Variants in BMP7 observed in about 807,000 individuals in gnomAD.
BMP7 encodes the protein osteogenic protein 1.
Under a neutral mutation model 41.2 loss-of-function variants are expected in BMP7, and 12 were observed. That is an observed-to-expected ratio of 0.29 (90% CI 0.19 to 0.47). BMP7 has a LOEUF of 0.47. BMP7 is among the 20% of genes least tolerant of loss of function. BMP7 has a pLI of 0.99. For synonymous variants in BMP7, 248 were observed against 250.0 expected (o/e 0.99, Z 0.07); for missense variants, 467 against 606.0 (o/e 0.77, Z 2.41).
At chr20:57,191,919 A>T (rs1400362286) in intron 3 of BMP7, among the ~76,000 whole-genome samples, 2 of 131,950 alleles carry the variant, frequency 1.5e-5, no homozygotes, top group African/African-American at 5.8e-5. Flanking sequence ...ACTATATATT[A>T]TATATTTTCT....
intron 3 of BMP7, among the ~76,000 whole-genome samples, chr20:57,195,273 C>T (rs1383663858): frequency 1.3e-5 from 2 of 152,158 alleles, no homozygotes; most frequent in African/African-American, 4.8e-5. Flanking sequence ...TTTTTGTTTT[C>T]CAGGCCCAGG....
chr20:57,179,282 A>G (rs755828889), intron 4 of BMP7, among the ~76,000 whole-genome samples: 11 of 152,298 alleles, frequency 7.2e-5, no homozygotes, highest in Admixed American at 1.3e-4. Flanking sequence ...CCCGCCCCCA[A>G]GCAACAGAAA....
rs369955068 is a variant in BMP7, at chr20:57,219,336, G to A, written c.611+8893C>T. Among the ~76,000 whole-genome samples the A allele has an allele frequency of 3.3e-5, 5 of 152,112 alleles. 1 individual carries two copies. The highest frequency in any genetic ancestry group is 1.9e-4 in the East Asian group (1 of 5,182). On this transcript the variant is annotated intron_variant, in intron 2 of 6. Transcript: ENST00000395863. ...AAGGTGGGAAGAAGACAGGGTGGGC[G>A]AGGGACTTCCCACTTAAGTATGTTC...
At chr20:57,173,349 G>C in intron 5 of BMP7, 39 bp from the exon 6 acceptor site, 2 of 1,588,430 alleles carry the variant, frequency 1.3e-6, no homozygotes, top group Non-Finnish European at 1.7e-6. Context: ...CATGCAGAAG[G>C]CCTGAGCCAC....
intron 2 of BMP7, among the ~76,000 whole-genome samples, chr20:57,223,102 T>C (rs1055229718): frequency 3.3e-5 from 5 of 151,942 alleles, no homozygotes; most frequent in African/African-American, 9.7e-5. Flanking sequence ...TGGTGGTACA[T>C]ACTTGTAATC....
In BMP7 at chr20:57,266,598, T is replaced by TGCG. The variant is rs1327949897; in HGVS notation, c.-479_-477dup. The TGCG allele has an allele frequency of 6.6e-6, 1 of 152,468 alleles. No homozygotes were observed. Among genetic ancestry groups the TGCG allele is most frequent in the African/African-American group, 2.4e-5 (1 of 41,450 alleles). The allele number at this position is 152,468 out of a possible 1,614,324, so 9.4% of individuals were successfully genotyped here. ...GCCCCGGGGCGCTCTCCCAGCCTTG[T>TGCG]GCGCCCTGGATCGCACAAGAGGCCG... is the stretch of plus-strand genomic sequence containing the variant. On this transcript the variant is annotated 5_prime_UTR_variant, in exon 1 of 7. Coordinates refer to ENST00000395863, the MANE Select transcript of BMP7 (RefSeq NM_001719.3).
At chr20:57,212,892 C>A (rs1984928149) in intron 2 of BMP7, among the ~76,000 whole-genome samples, 1 of 152,254 alleles carries the variant, frequency 6.6e-6, no homozygotes, top group Non-Finnish European at 1.5e-5. Flanking sequence ...GGCTCCCCCA[C>A]CTCAGCTTCA....
chr20:57,202,839 G>C (rs550199694), intron 2 of BMP7, among the ~76,000 whole-genome samples: 1 of 152,142 alleles, frequency 6.6e-6, no homozygotes, highest in Non-Finnish European at 1.5e-5. Context: ...AGAGATACAC[G>C]CAGGGAAAAG....
rs893676883 is a variant in BMP7 at position 57,224,884 on chromosome 20, G to A, written c.611+3345C>T. 7.2e-5 allele frequency: 11 copies of A among 152,400 alleles called. No homozygotes were observed. The highest frequency in any genetic ancestry group is 3.9e-4 in the East Asian group (2 of 5,180). The allele number at this position is 152,400 out of a possible 1,614,324, so 9.4% of individuals were successfully genotyped here. On this transcript the variant is annotated intron_variant, in intron 2 of 6. Coordinates refer to ENST00000395863, the MANE Select transcript of BMP7 (RefSeq NM_001719.3). This position sits in a 1 kb window ranked among gnomAD's most constrained non-coding sequence, Gnocchi z 4.8. ...AAGGCCTCCAGCTCGGCTCATTATC[G>A]GAATTTAATCTGGATTCCGAGAGAT... is the stretch of plus-strand genomic sequence containing the variant.
At chr20:57,175,123 G>A (rs182913460) in intron 4 of BMP7, 116 bp from the exon 5 acceptor site, 2 of 1,127,228 alleles carry the variant, frequency 1.8e-6, no homozygotes, top group East Asian at 2.6e-5. Context: ...ACAGACGGCT[G>A]GGGGGTAAAT....
chr20:57,232,698 T>C (rs918780554), intron 1 of BMP7, among the ~76,000 whole-genome samples: 3 of 152,228 alleles, frequency 2.0e-5, no homozygotes, highest in African/African-American at 7.2e-5. Flanking sequence ...GTGGGCTCTT[T>C]GGTATGGCTT....
intron 1 of BMP7, among the ~76,000 whole-genome samples, chr20:57,250,450 G>A (rs2066107637): frequency 1.3e-5 from 2 of 148,700 alleles, no homozygotes; most frequent in South Asian, 4.2e-4. Context: ...AGGGTCACTT[G>A]AGCCCAGGTG....
At chr20:57,232,002 C>T (rs1156602096) in intron 1 of BMP7, among the ~76,000 whole-genome samples, 1 of 152,196 alleles carries the variant, frequency 6.6e-6, no homozygotes, top group African/African-American at 2.4e-5. Context: ...CAGGACTGAT[C>T]CCCATTTTAC....
At chr20:57,223,229 CAAAA>C (rs35071781) in intron 2 of BMP7, among the ~76,000 whole-genome samples, 2 of 62,418 alleles carry the variant, frequency 3.2e-5, no homozygotes, top group Non-Finnish European at 2.9e-5. Context: ...GACTCCATCT[CAAAA>C]AAAAAAAAAA....
chr20:57,212,469 G>A (rs1225189215), intron 2 of BMP7, among the ~76,000 whole-genome samples: 2 of 152,174 alleles, frequency 1.3e-5, no homozygotes, highest in Non-Finnish European at 2.9e-5. Flanking sequence ...CAGCTGACTC[G>A]CTCCCCGACC....
At chr20:57,265,628 A>G (rs995861629) in intron 1 of BMP7, 77 bp downstream of exon 1, 1 of 1,539,622 alleles carries the variant, frequency 6.5e-7, no homozygotes, top group Non-Finnish European at 8.8e-7. Context: ...CGGGCTGCAT[A>G]GAAGAAGCGG....
At chr20:57,183,686 T>C (rs770671289) in intron 4 of BMP7, 36 bp downstream of exon 4, 2 of 1,612,584 alleles carry the variant, frequency 1.2e-6, no homozygotes, top group Non-Finnish European at 8.5e-7. Flanking sequence ...GCTGGGTTCC[T>C]GTGGTGGGTC....
At chr20:57,262,450 C>T (rs181901551) in intron 1 of BMP7, among the ~76,000 whole-genome samples, 2 of 152,326 alleles carry the variant, frequency 1.3e-5, no homozygotes, top group Admixed American at 1.3e-4. Flanking sequence ...TCATTCCCAC[C>T]ACCTGGTTTT....
intron 3 of BMP7, among the ~76,000 whole-genome samples, chr20:57,195,594 C>T (rs149471590): frequency 3.5e-4 from 54 of 152,376 alleles, no homozygotes; most frequent in African/African-American, 1.2e-3. Flanking sequence ...GAGCCAGCTG[C>T]GCCGTGGGCG....
Sources: gnomAD v4.1 joint callset for allele counts (sites outside exome capture counted in the v4.1 genomes callset) on GRCh38, gnomAD v4.1.1 for gene constraint, Gnocchi (gnomAD v3.1) non-coding constraint, MANE v1.5 for transcripts, NCBI Gene and HGNC (gene_info 2026-07-23, HGNC 2026-07-21) for gene names.